TMEM132C: variants seen among roughly 807,000 people sequenced by gnomAD.
TMEM132C encodes the protein transmembrane protein 132C.
A neutral mutation model predicts 61.4 loss-of-function variants in TMEM132C; 29 were observed. The ratio of observed to expected loss-of-function variants is 0.47; its 90% confidence interval spans 0.35 to 0.64. The LOEUF (loss-of-function observed/expected upper bound fraction) is 0.64, where lower values mean the gene tolerates loss of function less well. TMEM132C is among the 30% of genes least tolerant of loss of function. The pLI is 0.00. For synonymous variants in TMEM132C, 656 were observed against 633.1 expected, an observed-to-expected ratio of 1.04 and a Z score of -0.54; for missense variants, 1,408 against 1,476.9, an observed-to-expected ratio of 0.95 and a Z score of 0.76.
chr12:128,693,984 G>C lies in TMEM132C; in HGVS notation c.1605G>C (p.Thr535=). Residue 535 remains threonine (T), a synonymous_variant, in exon 6 of 9, where the codon ACG becomes ACC. Coordinates refer to ENST00000435159, the MANE Select transcript of TMEM132C (RefSeq NM_001136103.3). ...RLPLQIEVSD[T]ELSQIKGWRV... ...CCCTGCAGATCGAGGTCTCTGACAC[G>C]GAGCTCAGCCAGATAAAGGGCTGGA... 1 of 1,551,748 alleles carries C rather than the reference G, an allele frequency of 6.4e-7. No individual in the cohort carries two copies. The highest frequency in any genetic ancestry group is 8.7e-7 in the Non-Finnish European group (1 of 1,147,016).
chr12:128,613,049 A>G (rs1419317757), intron 3 of TMEM132C, among the ~76,000 whole-genome samples: 2 of 152,224 alleles, frequency 1.3e-5, no homozygotes, highest in South Asian at 2.1e-4. Context: ...GAGAGTGAAG[A>G]GAAGTGCAGG....
intron 2 of TMEM132C, among the ~76,000 whole-genome samples, chr12:128,443,488 G>A (rs530281191): frequency 6.6e-6 from 1 of 152,224 alleles, no homozygotes; most frequent in Non-Finnish European, 1.5e-5. Flanking sequence ...TTTAGCTGGA[G>A]GCATTTATGA....
intron 1 of TMEM132C, among the ~76,000 whole-genome samples, chr12:128,366,243 C>A (rs11613453): frequency 6.6e-6 from 1 of 152,132 alleles, no homozygotes; most frequent in South Asian, 2.1e-4. Flanking sequence ...GTCTGCTTTT[C>A]CTTTTTTACC....
At chr12:128,418,816 A>C (rs1433314375) in intron 2 of TMEM132C, among the ~76,000 whole-genome samples, 1 of 152,200 alleles carries the variant, frequency 6.6e-6, no homozygotes, top group African/African-American at 2.4e-5. Flanking sequence ...GTTCAGTTGG[A>C]AAATTAGTTC....
rs142652985 is a variant in TMEM132C at position 128,477,576 on chromosome 12, TTTGTTG to T, written c.974+61971_974+61976del. 5.2e-4 allele frequency among the ~76,000 whole-genome samples: 79 copies of T among 151,870 alleles called. 1 individual carries two copies. The highest frequency in any genetic ancestry group is 1.8e-3 in the African/African-American group (76 of 41,386). ...GGCACCATTTTGTTTGTTTGTTTGT[TTTGTTG>T]TTGTTGTTGTTGTTTGAGACAGAGT... is the stretch of plus-strand genomic sequence containing the variant. On this transcript the variant is annotated intron_variant, in intron 2 of 8. Transcript: ENST00000435159.
At chr12:128,279,575 T>C (rs1870815318) in intron 1 of TMEM132C, among the ~76,000 whole-genome samples, 1 of 152,172 alleles carries the variant, frequency 6.6e-6, no homozygotes. Context: ...TCTGCTCCAG[T>C]CCCATGGGCC....
At chr12:128,522,079 T>C (rs1434533674) in intron 2 of TMEM132C, among the ~76,000 whole-genome samples, 1 of 152,180 alleles carries the variant, frequency 6.6e-6, no homozygotes, top group Non-Finnish European at 1.5e-5. Flanking sequence ...GACCTAAACT[T>C]GGGACACCAC....
rs1565906248 is a variant in TMEM132C at position 128,340,946 on chromosome 12, T to TCTC, written c.85+73459_85+73460insCTC. Among the ~76,000 whole-genome samples the TCTC allele has an allele frequency of 2.7e-5, 3 of 112,924 alleles. No individual in the cohort carries two copies. The East Asian group carries it at 7.2e-4, about 27-fold the overall frequency. 74.1% of individuals were successfully genotyped at this position (112,924 alleles called of 152,430 possible). On this transcript the variant is annotated intron_variant, in intron 1 of 8. Transcript: ENST00000435159. ...TCTCTCTCTCTCTCTCTCTCTCTCT[T>TCTC]TCTTTCTTTCTTTCTTTCTTTTTTG...
intron 3 of TMEM132C, among the ~76,000 whole-genome samples, chr12:128,561,962 T>G (rs1462181335): frequency 6.6e-6 from 1 of 152,004 alleles, no homozygotes; most frequent in East Asian, 1.9e-4. Flanking sequence ...GGGAGGGCAG[T>G]GGGGCAGAGA....
intron 1 of TMEM132C, among the ~76,000 whole-genome samples, chr12:128,341,369 A>G (rs894224184): frequency 4.6e-5 from 7 of 152,206 alleles, no homozygotes; most frequent in African/African-American, 9.7e-5. Context: ...GGAGTAGTAA[A>G]GGAAGATAAA....
chr12:128,340,916 T>TTCTCTC (rs71989914), intron 1 of TMEM132C, among the ~76,000 whole-genome samples: 20 of 128,268 alleles, frequency 1.6e-4, no homozygotes, highest in Middle Eastern at 3.4e-3. Context: ...CTCTCTCTCT[T>TTCTCTC]TCTCTCTCTC....
intron 1 of TMEM132C, among the ~76,000 whole-genome samples, chr12:128,357,253 G>A (rs1394851263): frequency 6.6e-6 from 1 of 152,102 alleles, no homozygotes. Context: ...TCCTATCCCT[G>A]GCTTAGGTTT....
intron 1 of TMEM132C, among the ~76,000 whole-genome samples, chr12:128,336,521 G>T (rs1242153334): frequency 1.3e-5 from 2 of 152,176 alleles, no homozygotes; most frequent in East Asian, 1.9e-4. Context: ...AGGTTGAGAA[G>T]TCATTCCTTT....
At chr12:128,284,815 G>T (rs527982563) in intron 1 of TMEM132C, among the ~76,000 whole-genome samples, 1 of 152,252 alleles carries the variant, frequency 6.6e-6, no homozygotes, top group East Asian at 1.9e-4. Flanking sequence ...CCTTTCTAAG[G>T]CTATGGTATC....
chr12:128,278,745 C>CGTGTGTGTGTGT lies in TMEM132C; in HGVS notation c.85+11262_85+11263insGTGTGTGTGTGT, dbSNP rs201012004. 5.2e-4 allele frequency among the ~76,000 whole-genome samples: 70 copies of CGTGTGTGTGTGT among 135,666 alleles called. 1 individual carries two copies. Among genetic ancestry groups the CGTGTGTGTGTGT allele is most frequent in the Non-Finnish European group, 6.9e-4 (44 of 64,196 alleles). The allele number at this position is 135,666 out of a possible 152,430, so 89.0% of individuals were successfully genotyped here. ...ATATTTGTGCAGACTTGATTCTATA[C>CGTGTGTGTGTGT]GTGTATGTGTGTGTGTGTGTGTGTG... On this transcript the variant is annotated intron_variant, in intron 1 of 8. Transcript: ENST00000435159. This position sits in a 1 kb window ranked among gnomAD's most constrained non-coding sequence, Gnocchi z 4.2.
intron 3 of TMEM132C, among the ~76,000 whole-genome samples, chr12:128,572,750 G>T (rs1440364608): frequency 6.6e-6 from 1 of 152,140 alleles, no homozygotes; most frequent in Non-Finnish European, 1.5e-5. Context: ...CTGGGCCTGG[G>T]TCACATGCCC....
intron 5 of TMEM132C, among the ~76,000 whole-genome samples, chr12:128,692,235 C>T (rs576440217): frequency 2.6e-5 from 4 of 152,374 alleles, no homozygotes; most frequent in Admixed American, 2.6e-4. Context: ...TCTGTCTATG[C>T]ATCAGTGTGT....
chr12:128,693,722 C>A, intron 5 of TMEM132C, 107 bp from the exon 6 acceptor site: 3 of 1,303,766 alleles, frequency 2.3e-6, no homozygotes, highest in South Asian at 2.9e-5. Flanking sequence ...TAGGAGAAAC[C>A]AGAAATAAGC....
At chr12:128,603,156 G>GA (rs1370660128) in intron 3 of TMEM132C, among the ~76,000 whole-genome samples, 2 of 152,168 alleles carry the variant, frequency 1.3e-5, no homozygotes, top group East Asian at 1.9e-4. Flanking sequence ...CGGAGAGAGT[G>GA]AAAAAAGCAG....
Sources: allele counts gnomAD v4.1 joint callset (sites outside exome capture counted in the v4.1 genomes callset), GRCh38; gene constraint gnomAD v4.1.1; non-coding constraint Gnocchi (gnomAD v3.1); transcripts MANE v1.5; gene names NCBI Gene and HGNC (gene_info 2026-07-23, HGNC 2026-07-21).